The following NELL1 variants were observed in gnomAD, a reference collection of about 807,000 sequenced individuals.
NELL1 encodes the protein protein kinase C-binding protein NELL1.
In NELL1, 76 loss-of-function variants were observed where a neutral mutation model predicts 107.4. That is an observed-to-expected ratio of 0.71 (90% CI 0.59 to 0.86). The LOEUF (loss-of-function observed/expected upper bound fraction) is 0.86. NELL1 is among the 40% of genes least tolerant of loss of function. NELL1 has a pLI of 0.00. For synonymous variants in NELL1, 353 were observed against 341.2 expected (o/e 1.03, Z -0.38); for missense variants, 1,024 against 1,005.5 (o/e 1.02, Z -0.25).
At chr11:20,863,713 G>A (rs1254102914) in intron 4 of NELL1, among the ~76,000 whole-genome samples, 2 of 152,118 alleles carry the variant, frequency 1.3e-5, no homozygotes, top group South Asian at 2.1e-4. Flanking sequence ...GGTGGTGACC[G>A]GGCAGAGGCT....
intron 14 of NELL1, among the ~76,000 whole-genome samples, chr11:21,268,854 T>C (rs1057192450): frequency 6.6e-6 from 1 of 152,114 alleles, no homozygotes; most frequent in South Asian, 2.1e-4. Flanking sequence ...GGAGTAGACC[T>C]GGAATTTAAA....
intron 3 of NELL1, among the ~76,000 whole-genome samples, chr11:20,822,982 A>G (rs1292349524): frequency 6.6e-6 from 1 of 152,216 alleles, no homozygotes; most frequent in Non-Finnish European, 1.5e-5. Flanking sequence ...TGGCTTGGAA[A>G]GCTGAAGAGA....
intron 3 of NELL1, among the ~76,000 whole-genome samples, chr11:20,805,988 GT>G (rs2134007577): frequency 6.6e-6 from 1 of 152,182 alleles, no homozygotes; most frequent in East Asian, 1.9e-4. Flanking sequence ...CTTGGTTCAT[GT>G]TTTTGTTTTT....
intron 12 of NELL1, among the ~76,000 whole-genome samples, chr11:21,063,138 G>A (rs1477293548): frequency 6.6e-6 from 1 of 152,058 alleles, no homozygotes; most frequent in African/African-American, 2.4e-5. Flanking sequence ...GTGAGCCACT[G>A]GGCCCAGCTG....
At chr11:20,747,221 A>G (rs974954663) in intron 2 of NELL1, among the ~76,000 whole-genome samples, 2 of 152,226 alleles carry the variant, frequency 1.3e-5, no homozygotes, top group African/African-American at 4.8e-5. Context: ...AGATATATCA[A>G]TGTATGGTTT....
At chr11:20,836,937 C>T (rs1310489528) in intron 3 of NELL1, among the ~76,000 whole-genome samples, 1 of 152,008 alleles carries the variant, frequency 6.6e-6, no homozygotes, top group Non-Finnish European at 1.5e-5. Context: ...AGAGAGTAAA[C>T]CTCAATGTGT....
chr11:21,081,016 C>G (rs571420855), intron 12 of NELL1, among the ~76,000 whole-genome samples: 3 of 152,018 alleles, frequency 2.0e-5, no homozygotes, highest in African/African-American at 7.2e-5. Context: ...CTCCTCCCAT[C>G]CATATGACCT....
intron 4 of NELL1, among the ~76,000 whole-genome samples, chr11:20,871,860 A>G (rs1177249060): frequency 6.6e-6 from 1 of 151,644 alleles, no homozygotes; most frequent in South Asian, 2.1e-4. Flanking sequence ...TCTACTAAAA[A>G]TACAAAAAGT....
intron 18 of NELL1, 56 bp from the exon 19 acceptor site, chr11:21,573,129 G>A: frequency 7.5e-7 from 1 of 1,332,798 alleles, no homozygotes; most frequent in Non-Finnish European, 1.1e-6. Flanking sequence ...TATGACTTTG[G>A]GAATAAAATT....
In NELL1 at chr11:21,381,238, C is replaced by T. The variant is rs574077422; in HGVS notation, c.1645+10290C>T. Among the ~76,000 whole-genome samples the T allele has an allele frequency of 5.9e-3, 894 of 152,024 alleles. 3 individuals are homozygous for T. Among genetic ancestry groups the T allele is most frequent in the Middle Eastern group, 0.024 (7 of 294 alleles). On this transcript the variant is annotated intron_variant, in intron 15 of 19. Coordinates refer to ENST00000357134, the MANE Select transcript of NELL1 (RefSeq NM_006157.5). ...CCATAATCTCTTATTTGATCATTTG[C>T]ATTGTTTTACATATTCCTTTCAACA...
chr11:21,457,128 C>T (rs1234327234), intron 15 of NELL1, among the ~76,000 whole-genome samples: 2 of 152,078 alleles, frequency 1.3e-5, no homozygotes, highest in Non-Finnish European at 2.9e-5. Flanking sequence ...GAATTTCAAG[C>T]ACAGCAGAAA....
intron 2 of NELL1, among the ~76,000 whole-genome samples, chr11:20,705,640 G>A (rs1352396484): frequency 7.0e-6 from 1 of 142,242 alleles, no homozygotes; most frequent in Non-Finnish European, 1.6e-5. Context: ...AAAAGCAATG[G>A]CAACAAAAGC....
At chr11:20,674,511 G>A (rs1305475632) in intron 1 of NELL1, 9 of 1,535,992 alleles carry the variant, frequency 5.9e-6, no homozygotes, top group Non-Finnish European at 7.8e-6. Flanking sequence ...AGCCACCCGT[G>A]TTATCGCTGA....
At chr11:20,739,490 G>T (rs765419006) in intron 2 of NELL1, among the ~76,000 whole-genome samples, 2 of 152,144 alleles carry the variant, frequency 1.3e-5, no homozygotes, top group East Asian at 1.9e-4. Context: ...TAATCCAGCC[G>T]CTGTCTGCCT....
chr11:20,864,480 C>G (rs909282483), intron 4 of NELL1, among the ~76,000 whole-genome samples: 1 of 152,224 alleles, frequency 6.6e-6, no homozygotes, highest in African/African-American at 2.4e-5. Flanking sequence ...ATGGCTGTTC[C>G]TGCCATCAGG....
intron 4 of NELL1, among the ~76,000 whole-genome samples, chr11:20,855,314 A>G (rs1848863139): frequency 6.6e-6 from 1 of 151,942 alleles, no homozygotes; most frequent in Admixed American, 6.6e-5. Context: ...ATCCACTTGC[A>G]CTCCTGGGCT....
chr11:21,406,371 A>G (rs1473918654), intron 15 of NELL1, among the ~76,000 whole-genome samples: 3 of 151,316 alleles, frequency 2.0e-5, no homozygotes, highest in Non-Finnish European at 2.9e-5. Context: ...ATTATCCCCA[A>G]TTGAGGGATT....
At chr11:21,536,951 T>A (rs1856155248) in intron 16 of NELL1, among the ~76,000 whole-genome samples, 1 of 152,178 alleles carries the variant, frequency 6.6e-6, no homozygotes, top group Admixed American at 6.6e-5. Context: ...ATTCCTGCAC[T>A]CTCAAGGAGC....
chr11:21,377,292 A>G (rs1046766313), intron 15 of NELL1, among the ~76,000 whole-genome samples: 3 of 152,110 alleles, frequency 2.0e-5, no homozygotes, highest in East Asian at 1.9e-4. Context: ...TTCTGCATCT[A>G]TGGAGATAAT....
Sources: allele counts gnomAD v4.1 joint callset (sites outside exome capture counted in the v4.1 genomes callset), GRCh38; gene constraint gnomAD v4.1.1; transcripts MANE v1.5; gene names NCBI Gene and HGNC (gene_info 2026-07-23, HGNC 2026-07-21).